The following CACNB2 variants were observed in gnomAD, a reference collection of about 807,000 sequenced individuals.
CACNB2 encodes the protein voltage-dependent L-type calcium channel subunit beta-2.
A neutral mutation model predicts 73.3 loss-of-function variants in CACNB2; 42 were observed. That is an observed-to-expected ratio of 0.57 (90% confidence interval 0.45 to 0.74). The LOEUF (loss-of-function observed/expected upper bound fraction) is 0.74. Ranked by LOEUF, CACNB2 falls within the 30% of genes least tolerant of loss-of-function variation. The pLI is 0.00. For synonymous variants in CACNB2, 348 were observed against 310.3 expected, an observed-to-expected ratio of 1.12 and a Z score of -1.28; for missense variants, 940 against 853.0, an observed-to-expected ratio of 1.10 and a Z score of -1.27.
At chr10:18,250,577 G>A (rs933481057) in intron 2 of CACNB2, among the ~76,000 whole-genome samples, 32 of 151,282 alleles carry the variant, frequency 2.1e-4, no homozygotes, top group Non-Finnish European at 5.9e-5. Flanking sequence ...TGTAGAGGGT[G>A]CCTAAGCTAG....
At chr10:18,196,688 A>G (rs181304862) in intron 2 of CACNB2, among the ~76,000 whole-genome samples, 23 of 152,274 alleles carry the variant, frequency 1.5e-4, no homozygotes, top group Admixed American at 5.9e-4. Flanking sequence ...TATCACATCT[A>G]TTCATTTCAC....
chr10:18,414,247 G>C lies in CACNB2; in HGVS notation c.333+12204G>C, dbSNP rs373022750. ...GTGCTTTCTGCCTCTTAGTCACATG[G>C]GTGCAGATCTCTGCCTGAGTTATCA... On this transcript the variant is annotated intron_variant, in intron 3 of 13. Coordinates refer to ENST00000324631, the MANE Select transcript of CACNB2 (RefSeq NM_201596.3). Among the ~76,000 whole-genome samples, 6 of 152,280 alleles carry C rather than the reference G, an allele frequency of 3.9e-5. No homozygotes were observed. In the East Asian group the frequency reaches 9.6e-4, roughly 24 times the overall value.
chr10:18,417,677 G>T (rs2045070573), intron 3 of CACNB2, among the ~76,000 whole-genome samples: 1 of 152,120 alleles, frequency 6.6e-6, no homozygotes, highest in Admixed American at 6.5e-5. Context: ...GTTAAAGGAA[G>T]ACCTTCCAGG....
intron 2 of CACNB2, chr10:18,340,745 C>G (rs1296134120): frequency 6.7e-7 from 1 of 1,492,360 alleles, no homozygotes; most frequent in Admixed American, 2.3e-5. Flanking sequence ...TGTTGTGATC[C>G]GACGAACTTT....
At chr10:18,185,723 A>T (rs956558801) in intron 2 of CACNB2, among the ~76,000 whole-genome samples, 1 of 152,192 alleles carries the variant, frequency 6.6e-6, no homozygotes, top group African/African-American at 2.4e-5. Flanking sequence ...TGTGAGTGGG[A>T]TTCCCATTTG....
chr10:18,297,604 C>A (rs1003617114), intron 2 of CACNB2, among the ~76,000 whole-genome samples: 2 of 152,140 alleles, frequency 1.3e-5, no homozygotes, highest in African/African-American at 4.8e-5. Context: ...TAAACATTTC[C>A]AGGCCGACTG....
intron 3 of CACNB2, among the ~76,000 whole-genome samples, chr10:18,419,396 A>C (rs7079485): frequency 0.27 from 40,978 of 152,104 alleles, 5,882 homozygotes; most frequent in East Asian, 0.54. Context: ...ATTATAATGT[A>C]CACAACCATT....
At chr10:18,261,169 G>A in intron 2 of CACNB2, 1 of 1,546,910 alleles carries the variant, frequency 6.5e-7, no homozygotes. Context: ...CTCTTACCTG[G>A]GAGTAGAAGG....
At chr10:18,405,405 G>A (rs1370849370) in intron 3 of CACNB2, among the ~76,000 whole-genome samples, 1 of 152,094 alleles carries the variant, frequency 6.6e-6, no homozygotes, top group African/African-American at 2.4e-5. Context: ...GGACATCTGG[G>A]TTGTTTTCAC....
chr10:18,506,891 A>G (rs1478918482), intron 6 of CACNB2, among the ~76,000 whole-genome samples: 4 of 152,168 alleles, frequency 2.6e-5, no homozygotes, highest in Admixed American at 2.0e-4. Context: ...CTCTGCCTCC[A>G]GGGCTCAAGT....
At chr10:18,395,701 C>T (rs2043681825) in intron 2 of CACNB2, among the ~76,000 whole-genome samples, 1 of 152,118 alleles carries the variant, frequency 6.6e-6, no homozygotes, top group African/African-American at 2.4e-5. Flanking sequence ...TTGGCTTTTA[C>T]AGGATCATAA....
At chr10:18,175,963 C>G (rs2033565772) in intron 2 of CACNB2, among the ~76,000 whole-genome samples, 4 of 152,158 alleles carry the variant, frequency 2.6e-5, no homozygotes, top group Non-Finnish European at 5.9e-5. Flanking sequence ...AAAGAAAGCC[C>G]ATTATACGTA....
chr10:18,534,783 C>A (rs975624464), intron 11 of CACNB2, among the ~76,000 whole-genome samples: 1 of 152,182 alleles, frequency 6.6e-6, no homozygotes, highest in Non-Finnish European at 1.5e-5. Flanking sequence ...AAAGTAAGGA[C>A]AAGCACTGGT....
chr10:18,491,819 T>TAAAAAAAAAAA lies in CACNB2; in HGVS notation c.334-6518_334-6508dup, dbSNP rs68179779. Reference sequence around the variant, plus strand: ...TATTCCCTTGGAACTTCAAGTTGGTTAAAAAAAAAAAAAAAAAAAAAAAAA... The same window carrying TAAAAAAAAAAA: ...TATTCCCTTGGAACTTCAAGTTGGTTAAAAAAAAAAAAAAAAAAAAAAAAAAAAAAAAAAAA... On this transcript the variant is annotated intron_variant, in intron 3 of 13. Transcript: ENST00000324631. Among the ~76,000 whole-genome samples, 8 of 65,600 alleles carry TAAAAAAAAAAA rather than the reference T, an allele frequency of 1.2e-4. 1 individual carries two copies. The highest frequency in any genetic ancestry group is 1.6e-4 in the Non-Finnish European group (5 of 32,032). The allele number at this position is 65,600 out of a possible 152,430, so 43.0% of individuals were successfully genotyped here.
At chr10:18,421,149 C>G (rs976440817) in intron 3 of CACNB2, among the ~76,000 whole-genome samples, 1 of 152,042 alleles carries the variant, frequency 6.6e-6, no homozygotes, top group African/African-American at 2.4e-5. Flanking sequence ...CCAAGAAAAT[C>G]TATCAATTCA....
At chr10:18,525,233 T>C (rs2052355960) in intron 9 of CACNB2, among the ~76,000 whole-genome samples, 1 of 152,070 alleles carries the variant, frequency 6.6e-6, no homozygotes, top group Non-Finnish European at 1.5e-5. Flanking sequence ...TGCTTGGGGA[T>C]TCCTTTCACC....
chr10:18,397,797 C>T (rs1360757034), intron 2 of CACNB2, among the ~76,000 whole-genome samples: 2 of 150,530 alleles, frequency 1.3e-5, no homozygotes, highest in African/African-American at 2.5e-5. Context: ...CAGTGATATG[C>T]AATTTTCCTA....
chr10:18,521,673 G>A (rs1589664010), intron 9 of CACNB2, among the ~76,000 whole-genome samples: 1 of 152,138 alleles, frequency 6.6e-6, no homozygotes. Flanking sequence ...TAATTAATGG[G>A]TGCCATCATT....
intron 2 of CACNB2, among the ~76,000 whole-genome samples, chr10:18,209,623 T>TA (rs887016312): frequency 9.2e-4 from 140 of 151,788 alleles, no homozygotes; most frequent in African/African-American, 3.2e-3. Flanking sequence ...GAATTGACTA[T>TA]ATTAGCTATT....
Sources: gnomAD v4.1 joint callset for allele counts (sites outside exome capture counted in the v4.1 genomes callset) on GRCh38, gnomAD v4.1.1 for gene constraint, MANE v1.5 for transcripts, NCBI Gene and HGNC (gene_info 2026-07-23, HGNC 2026-07-21) for gene names.